HK2: variants seen among roughly 807,000 people sequenced by gnomAD.
HK2 encodes the protein hexokinase-2.
A neutral mutation model predicts 92.9 loss-of-function variants in HK2; 42 were observed. That is an observed-to-expected ratio of 0.45 (90% CI 0.35 to 0.58). The LOEUF (loss-of-function observed/expected upper bound fraction) is 0.58, where lower values mean the gene tolerates loss of function less well. Ranked by LOEUF, HK2 falls within the 20% of genes least tolerant of loss-of-function variation. The pLI is 0.00. For synonymous variants in HK2, 422 were observed against 468.0 expected, an observed-to-expected ratio of 0.90 and a Z score of 1.27; for missense variants, 978 against 1,245.1, an observed-to-expected ratio of 0.79 and a Z score of 3.23.
Position 74,892,205 on chromosome 2 carries a change from A to G in HK2, c.*1264A>G, listed in dbSNP as rs1689698636. On this transcript the variant is annotated 3_prime_UTR_variant, in exon 18 of 18. Coordinates refer to ENST00000290573, the MANE Select transcript of HK2 (RefSeq NM_000189.5). ...TTCTTAGGGCAGTCAGTAGTATTCTAAAGCTTTCTGACAAGATAAAGGAAG... is the reference window on the plus strand; with the variant it reads ...TTCTTAGGGCAGTCAGTAGTATTCTGAAGCTTTCTGACAAGATAAAGGAAG... 2 of 152,304 alleles carry G rather than the reference A, an allele frequency of 1.3e-5. No individual in the cohort carries two copies. Among genetic ancestry groups the G allele is most frequent in the Admixed American group, 1.3e-4 (2 of 15,288 alleles). 9.4% of individuals were successfully genotyped at this position (152,304 alleles called of 1,614,324 possible).
rs773756011 is a variant in HK2 at position 74,877,146 on chromosome 2, T to C, written c.876-20T>C. 1 of 1,613,418 alleles carries C rather than the reference T, an allele frequency of 6.2e-7. No homozygotes were observed. The highest frequency in any genetic ancestry group is 1.1e-5 in the South Asian group (1 of 91,052). On this transcript the variant is annotated intron_variant, in intron 7 of 17. Transcript: ENST00000290573. ...ATGGGCAGTGGGGACTTTATGTTTTTGGTTTGTGTCTTCCGGCAGGTTTGA... is the reference window on the plus strand; with the variant it reads ...ATGGGCAGTGGGGACTTTATGTTTTCGGTTTGTGTCTTCCGGCAGGTTTGA...
chr2:74,842,018 A>G (rs1176449460), intron 1 of HK2, among the ~76,000 whole-genome samples: 1 of 152,268 alleles, frequency 6.6e-6, no homozygotes, highest in African/African-American at 2.4e-5. Context: ...GGCTTTCTGC[A>G]TAACACGCAG....
At chr2:74,841,236 G>A (rs1573352435) in intron 1 of HK2, among the ~76,000 whole-genome samples, 2 of 151,736 alleles carry the variant, frequency 1.3e-5, no homozygotes, top group South Asian at 2.1e-4. Flanking sequence ...GCAATGTCTG[G>A]AGACATTTTT....
intron 17 of HK2, among the ~76,000 whole-genome samples, chr2:74,890,407 T>A (rs1689647864): frequency 6.6e-6 from 1 of 152,182 alleles, no homozygotes; most frequent in African/African-American, 2.4e-5. Flanking sequence ...CATTCATGAG[T>A]CCTGGTCCTG....
intron 2 of HK2, among the ~76,000 whole-genome samples, chr2:74,861,147 GT>G (rs769050068): frequency 1.4e-4 from 21 of 152,280 alleles, no homozygotes; most frequent in Middle Eastern, 6.8e-3. Flanking sequence ...GAATGCAGGG[GT>G]CGGGCACGGT....
At chr2:74,877,719 C>A (rs572633427) in intron 8 of HK2, among the ~76,000 whole-genome samples, 153 of 152,326 alleles carry the variant, frequency 1.0e-3, no homozygotes, top group African/African-American at 3.4e-3. Flanking sequence ...ATGACCCCTG[C>A]TTCATAATAG....
At chr2:74,874,521 G>C in intron 7 of HK2, 72 bp downstream of exon 7, 2 of 1,443,448 alleles carry the variant, frequency 1.4e-6, no homozygotes, top group South Asian at 1.3e-5. Flanking sequence ...GTCGGGGCCA[G>C]GGGGTTGTTT....
chr2:74,874,164 C>T lies in HK2; in HGVS notation c.692-102C>T. On this transcript the variant is annotated intron_variant, in intron 6 of 17. Coordinates refer to ENST00000290573, the MANE Select transcript of HK2 (RefSeq NM_000189.5). ...CCCCAGAGTCTGCAGTGAGAAATCC[C>T]AGCCATCCTGGCCGGGCAGTCTCGG... 5 of 1,464,758 alleles carry T rather than the reference C, an allele frequency of 3.4e-6. No individual in the cohort carries two copies. In the Admixed American group the frequency reaches 6.9e-5, roughly 20 times the overall value. The allele number at this position is 1,464,758 out of a possible 1,614,324, so 90.7% of individuals were successfully genotyped here.
intron 2 of HK2, 40 bp downstream of exon 2, chr2:74,854,495 CA>C: frequency 6.2e-7 from 1 of 1,611,534 alleles, no homozygotes; most frequent in Non-Finnish European, 8.5e-7. Context: ...CTGCGTTACT[CA>C]GGGGTGATTT....
At chr2:74,878,264 A>G (rs1689281165) in intron 8 of HK2, among the ~76,000 whole-genome samples, 1 of 152,240 alleles carries the variant, frequency 6.6e-6, no homozygotes, top group Non-Finnish European at 1.5e-5. Flanking sequence ...AGTGGCTGAC[A>G]GCAGAGACAC....
Position 74,842,115 on chromosome 2 carries a change from T to C in HK2, c.63+7472T>C, listed in dbSNP as rs149555558. On this transcript the variant is annotated intron_variant, in intron 1 of 17. Coordinates refer to ENST00000290573, the MANE Select transcript of HK2 (RefSeq NM_000189.5). ...AAAGATTGTTTGGATAACACTTTAA[T>C]TGAGTAGTTGTAAGAATGAAAGAGA... 2.0e-3 allele frequency among the ~76,000 whole-genome samples: 306 copies of C among 152,334 alleles called. 1 individual carries two copies. The highest frequency in any genetic ancestry group is 3.9e-3 in the Admixed American group (59 of 15,304).
Position 74,872,328 on chromosome 2 carries a change from C to CTAA in HK2, c.405_407dup (p.Asn136dup). On this transcript the variant is annotated inframe_insertion, in exon 4 of 18. Transcript: ENST00000290573. ...TTTGACCACATTGCCGAATGCCTGG[C>CTAA]TAACTTCATGGATAAGCTACAAATC... 1 of 1,614,098 alleles carries CTAA rather than the reference C, an allele frequency of 6.2e-7. No individual in the cohort carries two copies. The highest frequency in any genetic ancestry group is 8.5e-7 in the Non-Finnish European group (1 of 1,179,972).
intron 1 of HK2, among the ~76,000 whole-genome samples, chr2:74,840,015 G>A (rs1308996440): frequency 1.4e-5 from 2 of 144,376 alleles, no homozygotes; most frequent in East Asian, 2.0e-4. Flanking sequence ...GAGTACAGTG[G>A]CGTGATCTCA....
intron 2 of HK2, among the ~76,000 whole-genome samples, chr2:74,863,496 A>G (rs1367991716): frequency 1.3e-5 from 2 of 152,140 alleles, no homozygotes; most frequent in Non-Finnish European, 2.9e-5. Flanking sequence ...TAATGGAGTA[A>G]TTGGAATCCT....
At chr2:74,852,361 T>A (rs913168118) in intron 1 of HK2, among the ~76,000 whole-genome samples, 8 of 152,162 alleles carry the variant, frequency 5.3e-5, no homozygotes, top group Non-Finnish European at 7.4e-5. Context: ...GTGGTCAGAG[T>A]TACCCTTGAA....
chr2:74,879,412 G>T (rs1425171077), intron 9 of HK2, among the ~76,000 whole-genome samples: 2 of 152,146 alleles, frequency 1.3e-5, no homozygotes, highest in African/African-American at 4.8e-5. Flanking sequence ...TCTCTTTATT[G>T]TGCCTACTTA....
intron 1 of HK2, among the ~76,000 whole-genome samples, chr2:74,837,355 C>G (rs1688192464): frequency 6.6e-6 from 1 of 152,222 alleles, no homozygotes; most frequent in Non-Finnish European, 1.5e-5. Flanking sequence ...GGTAGCACCC[C>G]CACCCATCAT....
In HK2 at chr2:74,891,067, A is replaced by G. The variant is rs1689666908; in HGVS notation, c.*126A>G. 8.7e-7 allele frequency: 1 copy of G among 1,147,062 alleles called. No homozygotes were observed. The highest frequency in any genetic ancestry group is 1.3e-6 in the Non-Finnish European group (1 of 796,084). 71.1% of individuals were successfully genotyped at this position (1,147,062 alleles called of 1,614,324 possible). On this transcript the variant is annotated 3_prime_UTR_variant, in exon 18 of 18. Transcript: ENST00000290573. The stretch of plus-strand genomic sequence containing the variant: ...TGCTTGGCAGAGAGGACCCCACTGG[A>G]CTGGGTTTTGTCTCTGCATCTCATT...
intron 16 of HK2, 152 bp from the exon 17 acceptor site, chr2:74,889,093 T>A: frequency 2.8e-6 from 2 of 710,928 alleles, no homozygotes; most frequent in South Asian, 3.1e-5. Flanking sequence ...AGCAGTGGTC[T>A]GAATTTAGGA....
Sources: allele counts gnomAD v4.1 joint callset (sites outside exome capture counted in the v4.1 genomes callset), GRCh38; gene constraint gnomAD v4.1.1; transcripts MANE v1.5; gene names NCBI Gene and HGNC (gene_info 2026-07-23, HGNC 2026-07-21).